Variants in RIPOR3 observed in about 807,000 individuals in gnomAD.
The protein encoded by RIPOR3 is family with sequence similarity 65 member C.
A neutral mutation model predicts 114.3 loss-of-function variants in RIPOR3; 95 were observed. That is an observed-to-expected ratio of 0.83 (90% CI 0.70 to 0.99). The LOEUF (loss-of-function observed/expected upper bound fraction) is 0.99, where lower values mean the gene tolerates loss of function less well. Among genes scored for constraint, RIPOR3 ranks in the 50% least tolerant of loss-of-function variants. The pLI, the probability that RIPOR3 is intolerant of heterozygous loss-of-function variation, is 0.00. For missense variants in RIPOR3, 1,252 were observed against 1,266.9 expected, an observed-to-expected ratio of 0.99 and a Z score of 0.18; for synonymous variants, 575 against 543.8, an observed-to-expected ratio of 1.06 and a Z score of -0.80.
At chr20:50,625,132 G>A (rs967229648) in intron 2 of RIPOR3, among the ~76,000 whole-genome samples, 6 of 151,554 alleles carry the variant, frequency 4.0e-5, no homozygotes, top group Admixed American at 1.3e-4. Context: ...ATGCAGTAGC[G>A]TGATCTCAGC....
At chr20:50,645,452 C>G (rs1451492689) in intron 1 of RIPOR3, 1 of 152,394 alleles carries the variant, frequency 6.6e-6, no homozygotes, top group Non-Finnish European at 1.5e-5. Flanking sequence ...GAGGTGGGGC[C>G]GGGGGAGAGG....
At chr20:50,675,471 G>C (rs1393668724) in intron 1 of RIPOR3, among the ~76,000 whole-genome samples, 1 of 152,174 alleles carries the variant, frequency 6.6e-6, no homozygotes, top group African/African-American at 2.4e-5. Context: ...AGAAGTTAAG[G>C]GACTCATAGC....
In RIPOR3 at chr20:50,608,750, C is replaced by A. The variant is rs940443623; in HGVS notation, c.685-12G>T. The A allele has an allele frequency of 6.2e-7, 1 of 1,613,732 alleles. No homozygotes were observed. Among genetic ancestry groups the A allele is most frequent in the East Asian group, 2.2e-5 (1 of 44,874 alleles). Reference sequence around the variant, plus strand: ...AGACGCATGAGCACCTGTGAACCAGCCCGAGAGGGGCCGCGTCAGCCCAGG... The same window carrying A: ...AGACGCATGAGCACCTGTGAACCAGACCGAGAGGGGCCGCGTCAGCCCAGG... On this transcript the variant is annotated splice_polypyrimidine_tract_variant and intron_variant, in intron 9 of 21. Transcript: ENST00000327979.
At chr20:50,646,624 A>G (rs1360517779) in intron 1 of RIPOR3, among the ~76,000 whole-genome samples, 3 of 152,178 alleles carry the variant, frequency 2.0e-5, no homozygotes, top group Non-Finnish European at 4.4e-5. Context: ...TCTACCAGCC[A>G]CTATAAATGC....
At position 50,661,633 on chromosome 20, in the gene RIPOR3, C is replaced by T. The variant is rs531046841; in HGVS notation, c.3+29493G>A. Among the ~76,000 whole-genome samples, 26 of 152,302 alleles carry T rather than the reference C, an allele frequency of 1.7e-4. No homozygotes were observed. In the South Asian group the frequency reaches 3.1e-3, roughly 18 times the overall value. On this transcript the variant is annotated intron_variant, in intron 1 of 21. Transcript: ENST00000327979. ...AGGTTAAGGCTTAGCTGCAGGAACA[C>T]GCTGTCCCCACGACAACCCCTTCTC...
intron 17 of RIPOR3, among the ~76,000 whole-genome samples, chr20:50,594,042 G>A (rs149840699): frequency 0.049 from 7,468 of 152,024 alleles, 270 homozygotes; most frequent in Non-Finnish European, 0.075. Flanking sequence ...AGGCCGAGGC[G>A]GGCGAATCAC....
intron 12 of RIPOR3, 102 bp downstream of exon 12, chr20:50,604,543 G>C (rs995645788): frequency 6.2e-6 from 9 of 1,447,700 alleles, no homozygotes; most frequent in Non-Finnish European, 8.2e-6. Context: ...TGAGCCCGAG[G>C]CTTGCCATGT....
intron 3 of RIPOR3, 147 bp from the exon 4 acceptor site, chr20:50,616,227 C>T (rs1247632773): frequency 1.4e-6 from 1 of 722,380 alleles, no homozygotes; most frequent in Non-Finnish European, 2.3e-6. Context: ...CTCCCTCACA[C>T]TGGGGGCTGT....
At chr20:50,651,488 G>C (rs2085608894) in intron 1 of RIPOR3, among the ~76,000 whole-genome samples, 1 of 152,168 alleles carries the variant, frequency 6.6e-6, no homozygotes, top group African/African-American at 2.4e-5. Flanking sequence ...TACATACTCT[G>C]TCAAGGAAGC....
rs1010834642 is a variant in RIPOR3 at position 50,630,209 on chromosome 20, C to A, written c.122+529G>T. 7.9e-5 allele frequency among the ~76,000 whole-genome samples: 12 copies of A among 152,192 alleles called. 1 individual carries two copies. Among genetic ancestry groups the A allele is most frequent in the African/African-American group, 2.9e-4 (12 of 41,450 alleles). On this transcript the variant is annotated intron_variant, in intron 2 of 21. Transcript: ENST00000327979. ...TCTCCAACTTCTGACCTCAAGTGAT[C>A]CGCCCGCCTTGGACTCCCAAAGTGC...
At chr20:50,671,428 GCACA>G (rs1160861232) in intron 1 of RIPOR3, among the ~76,000 whole-genome samples, 2,274 of 38,126 alleles carry the variant, frequency 0.06, 25 homozygotes, top group South Asian at 0.14. Context: ...ACGCGCGCGC[GCACA>G]CACACACACA....
intron 13 of RIPOR3, among the ~76,000 whole-genome samples, chr20:50,598,845 C>T (rs1432135399): frequency 6.7e-6 from 1 of 148,154 alleles, no homozygotes; most frequent in Non-Finnish European, 1.5e-5. Context: ...GCGGAGGTTG[C>T]AGTGAGCCAA....
At chr20:50,661,242 T>TAA (rs201768087) in intron 1 of RIPOR3, among the ~76,000 whole-genome samples, 5,510 of 145,338 alleles carry the variant, frequency 0.038, 160 homozygotes, top group South Asian at 0.088. Context: ...TCTTAAAAAA[T>TAA]AAAAAAAAAA....
intron 1 of RIPOR3, chr20:50,659,736 GT>G (rs1447936383): frequency 2.0e-5 from 3 of 152,030 alleles, no homozygotes; most frequent in African/African-American, 7.3e-5. Flanking sequence ...GCCTCTTTGG[GT>G]GGTTTCCAGG....
At chr20:50,620,849 G>A (rs2084374674) in intron 2 of RIPOR3, 2 of 798,972 alleles carry the variant, frequency 2.5e-6, no homozygotes, top group East Asian at 5.4e-5. Context: ...CCGCTGCAGT[G>A]GGTGTCTGAC....
chr20:50,601,422 C>G (rs112948339), intron 13 of RIPOR3, among the ~76,000 whole-genome samples: 7,046 of 152,204 alleles, frequency 0.046, 249 homozygotes, highest in African/African-American at 0.1. Context: ...GCCTGGGCAA[C>G]AGAGCGAGAC....
intron 19 of RIPOR3, 95 bp downstream of exon 19, chr20:50,592,249 G>C: frequency 7.7e-7 from 1 of 1,297,998 alleles, no homozygotes; most frequent in East Asian, 2.6e-5. Flanking sequence ...TGCAGCCCCT[G>C]GCACTCACTT....
chr20:50,620,846 A>G (rs1002731706), intron 2 of RIPOR3: 1 of 821,058 alleles, frequency 1.2e-6, no homozygotes, highest in Non-Finnish European at 2.1e-6. Flanking sequence ...CAGCCGCTGC[A>G]GTGGGTGTCT....
At chr20:50,643,706 CTT>C (rs71190582) in intron 1 of RIPOR3, among the ~76,000 whole-genome samples, 44,660 of 134,784 alleles carry the variant, frequency 0.33, 7,611 homozygotes, top group African/African-American at 0.46. Flanking sequence ...TTCTTTCTTT[CTT>C]TTTTTTTTTT....
Sources: gnomAD v4.1 joint callset for allele counts (sites outside exome capture counted in the v4.1 genomes callset) on GRCh38, gnomAD v4.1.1 for gene constraint, MANE v1.5 for transcripts, NCBI Gene and HGNC (gene_info 2026-07-23, HGNC 2026-07-21) for gene names.